The following ZKSCAN1 variants were observed in gnomAD, a reference collection of about 807,000 sequenced individuals.
ZKSCAN1 encodes the protein zinc finger with KRAB and SCAN domains 1.
In ZKSCAN1, 14 loss-of-function variants were observed where a neutral mutation model predicts 51.6. That is an observed-to-expected ratio of 0.27 (90% CI 0.18 to 0.42). The LOEUF is 0.42. Ranked by LOEUF, ZKSCAN1 falls within the 10% of genes least tolerant of loss-of-function variation. The probability of loss-of-function intolerance (pLI) is 1.00; values close to 1 mark genes in which losing one functional copy is unlikely to be tolerated. For missense variants in ZKSCAN1, 531 were observed against 710.0 expected, an observed-to-expected ratio of 0.75 and a Z score of 2.86; for synonymous variants, 263 against 261.5, an observed-to-expected ratio of 1.01 and a Z score of -0.06.
downstream of ZKSCAN1, among the ~76,000 whole-genome samples, chr7:100,042,495 A>C (rs1317461582): frequency 2.6e-5 from 4 of 151,890 alleles, no homozygotes; most frequent in African/African-American, 9.7e-5. Flanking sequence ...TTCAATTCTG[A>C]CACTACCTGT....
In ZKSCAN1 at chr7:100,037,531, C is replaced by T; in HGVS notation, c.*3334C>T. On this transcript the variant is annotated 3_prime_UTR_variant, in exon 6 of 6. Coordinates refer to ENST00000324306, the MANE Select transcript of ZKSCAN1 (RefSeq NM_003439.4). Reference sequence around the variant, plus strand: ...AGAATTTATTCCAGAAAGGAGCCTCCTGAATGTGATGAATACGGCAAAGCC... The same window carrying T: ...AGAATTTATTCCAGAAAGGAGCCTCTTGAATGTGATGAATACGGCAAAGCC... 1.0e-6 allele frequency: 1 copy of T among 985,468 alleles called. No homozygotes were observed. The highest frequency in any genetic ancestry group is 1.2e-6 in the Non-Finnish European group (1 of 829,940). 61.0% of individuals were successfully genotyped at this position (985,468 alleles called of 1,614,324 possible).
Position 100,027,228 on chromosome 7 carries a change from G to A in ZKSCAN1, c.581-2633G>A, listed in dbSNP as rs150980602. Among the ~76,000 whole-genome samples, 652 of 151,812 alleles carry A rather than the reference G, an allele frequency of 4.3e-3. 6 individuals are homozygous for A. The highest frequency in any genetic ancestry group is 0.015 in the African/African-American group (618 of 41,360). On this transcript the variant is annotated intron_variant, in intron 3 of 5. Transcript: ENST00000324306. ...ACAAGAACGCTTGAACCCGGGAGGT[G>A]GAGGTTGCAGCAAACCAAGATGGCT...
At chr7:100,015,926 C>A (rs1790340682) in intron 1 of ZKSCAN1, among the ~76,000 whole-genome samples, 200 bp downstream of exon 1, 1 of 152,306 alleles carries the variant, frequency 6.6e-6, no homozygotes, top group East Asian at 1.9e-4. Context: ...CGCCCCACCC[C>A]CAGGATCAGG....
At position 100,033,786 on chromosome 7, in the gene ZKSCAN1, C is replaced by T; in HGVS notation, c.1281C>T (p.His427=). 1 of 1,614,238 alleles carries T rather than the reference C, an allele frequency of 6.2e-7. No homozygotes were observed. The highest frequency in any genetic ancestry group is 8.5e-7 in the Non-Finnish European group (1 of 1,180,042). ...NSNLVLHQRI[H]TGEKPHECNE... ...ACCTTGTCCTGCATCAGAGGATCCA[C>T]ACAGGAGAGAAACCTCATGAATGTA... The change falls in exon 6 of 6, where the codon CAC becomes CAT. Residue 427 remains histidine (H), a synonymous_variant. Coordinates refer to ENST00000324306, the MANE Select transcript of ZKSCAN1 (RefSeq NM_003439.4). This position sits in a 1 kb window ranked among gnomAD's most constrained non-coding sequence, Gnocchi z 4.1.
intron 5 of ZKSCAN1, among the ~76,000 whole-genome samples, chr7:100,032,370 T>C (rs190952028): frequency 1.3e-5 from 2 of 152,298 alleles, no homozygotes; most frequent in Admixed American, 1.3e-4. Context: ...ATTTGTTGTC[T>C]TCCCTCTGCT....
intron 1 of ZKSCAN1, among the ~76,000 whole-genome samples, chr7:100,020,153 T>G (rs1256731725): frequency 6.6e-6 from 1 of 152,158 alleles, no homozygotes; most frequent in Non-Finnish European, 1.5e-5. Context: ...TCTTGAACAG[T>G]GATAAGAGGC....
chr7:100,026,344 T>C (rs1174908546), intron 3 of ZKSCAN1, among the ~76,000 whole-genome samples: 1 of 151,292 alleles, frequency 6.6e-6, no homozygotes, highest in African/African-American at 2.4e-5. Context: ...GGTGAGTGAA[T>C]GTGAAAGCCT....
chr7:100,038,437 C>T lies in ZKSCAN1; in HGVS notation c.*4240C>T, dbSNP rs879215636. ...AGATTGGTAAATTTCTGAGGAAAGA[C>T]AGGCTAATGGGGCACTGAAATGGAA... On this transcript the variant is annotated 3_prime_UTR_variant, in exon 6 of 6. Coordinates refer to ENST00000324306, the MANE Select transcript of ZKSCAN1 (RefSeq NM_003439.4). The T allele has an allele frequency of 6.1e-6, 6 of 985,326 alleles. No individual in the cohort carries two copies. The South Asian group carries it at 2.3e-4, about 39-fold the overall frequency. 61.0% of individuals were successfully genotyped at this position (985,326 alleles called of 1,614,324 possible). A position where few individuals can be genotyped will look rare whatever the true frequency, so the allele number is the denominator to read the frequency against.
In ZKSCAN1 at chr7:100,036,216, T is replaced by C. The variant is rs1403748686; in HGVS notation, c.*2019T>C. On this transcript the variant is annotated 3_prime_UTR_variant, in exon 6 of 6. Transcript: ENST00000324306. ...TAGCTTCTAAGCAGTTTCATCAGCA[T>C]TACTTGGGAAAACGTGTTGCAAGTC... 6 of 985,412 alleles carry C rather than the reference T, an allele frequency of 6.1e-6. No homozygotes were observed. The East Asian group carries it at 5.7e-4, about 93-fold the overall frequency. 61.0% of individuals were successfully genotyped at this position (985,412 alleles called of 1,614,324 possible).
rs565184739 is a variant in ZKSCAN1, at chr7:100,038,832, A to T, written c.*4635A>T. The T allele has an allele frequency of 4.8e-6, 3 of 624,616 alleles. No homozygotes were observed. In the East Asian group the frequency reaches 4.2e-4, roughly 87 times the overall value. The allele number at this position is 624,616 out of a possible 1,614,324, so 38.7% of individuals were successfully genotyped here. On this transcript the variant is annotated 3_prime_UTR_variant, in exon 6 of 6. Coordinates refer to ENST00000324306, the MANE Select transcript of ZKSCAN1 (RefSeq NM_003439.4). The stretch of plus-strand genomic sequence containing the variant: ...AACATGGCGAAACCCCGTCTCTACT[A>T]AAAATACAAAAAAATAGCTGGGCGT...
chr7:100,028,587 T>G (rs1444095988), intron 3 of ZKSCAN1, among the ~76,000 whole-genome samples: 1 of 152,130 alleles, frequency 6.6e-6, no homozygotes, highest in Non-Finnish European at 1.5e-5. Context: ...TCCTTGTATC[T>G]CACTAACATC....
At position 100,037,960 on chromosome 7, in the gene ZKSCAN1, C is replaced by T; in HGVS notation, c.*3763C>T. The T allele has an allele frequency of 2.1e-6, 2 of 933,868 alleles. No individual in the cohort carries two copies. The highest frequency in any genetic ancestry group is 2.6e-6 in the Non-Finnish European group (2 of 783,370). The allele number at this position is 933,868 out of a possible 1,614,324, so 57.8% of individuals were successfully genotyped here. On this transcript the variant is annotated 3_prime_UTR_variant, in exon 6 of 6. Coordinates refer to ENST00000324306, the MANE Select transcript of ZKSCAN1 (RefSeq NM_003439.4). ...GCTTGAACCTGCGAGGCGGAGGTTG[C>T]AGTGAGCTAAGATCATGCCACTGGC...
downstream of ZKSCAN1, among the ~76,000 whole-genome samples, chr7:100,044,065 C>T (rs1791662985): frequency 6.6e-6 from 1 of 152,098 alleles, no homozygotes; most frequent in Admixed American, 6.5e-5. Context: ...GCGTGAGCCA[C>T]CGCTCCCAGC....
chr7:100,031,136 C>A (rs1193702433), intron 5 of ZKSCAN1, among the ~76,000 whole-genome samples: 1 of 152,146 alleles, frequency 6.6e-6, no homozygotes, highest in African/African-American at 2.4e-5. Flanking sequence ...CAGCAAGCTT[C>A]TACCTGGAGA....
rs1340216274 is a variant in ZKSCAN1, at chr7:100,038,858, G to A, written c.*4661G>A. 6.7e-6 allele frequency: 3 copies of A among 448,878 alleles called. No homozygotes were observed. The highest frequency in any genetic ancestry group is 8.8e-6 in the Non-Finnish European group (3 of 339,896). The allele number at this position is 448,878 out of a possible 1,614,324, so 27.8% of individuals were successfully genotyped here. A position where few individuals can be genotyped will look rare whatever the true frequency, so the allele number is the denominator to read the frequency against. On this transcript the variant is annotated 3_prime_UTR_variant, in exon 6 of 6. Coordinates refer to ENST00000324306, the MANE Select transcript of ZKSCAN1 (RefSeq NM_003439.4). ...AAAATACAAAAAAATAGCTGGGCGT[G>A]GTGGCGGGCGCCTGTAGTCCCAGCT...
intron 5 of ZKSCAN1, among the ~76,000 whole-genome samples, chr7:100,032,430 T>A (rs1215827965): frequency 6.6e-6 from 1 of 152,202 alleles, no homozygotes; most frequent in African/African-American, 2.4e-5. Flanking sequence ...CTCCCTCTGT[T>A]GTCATTTCCC....
chr7:100,029,205 G>GGAGA (rs1467127455), intron 3 of ZKSCAN1, among the ~76,000 whole-genome samples: 16 of 150,418 alleles, frequency 1.1e-4, no homozygotes, highest in African/African-American at 3.9e-4. Context: ...CCAGAGCTAA[G>GGAGA]GAGACCTCCT....
chr7:100,038,041 G>C lies in ZKSCAN1; in HGVS notation c.*3844G>C. The C allele has an allele frequency of 1.0e-6, 1 of 985,052 alleles. No individual in the cohort carries two copies. The highest frequency in any genetic ancestry group is 1.2e-6 in the Non-Finnish European group (1 of 829,858). 61.0% of individuals were successfully genotyped at this position (985,052 alleles called of 1,614,324 possible). On this transcript the variant is annotated 3_prime_UTR_variant, in exon 6 of 6. Transcript: ENST00000324306. Reference sequence around the variant, plus strand: ...TGTATCAAAAAAAAAAGTTGCGGGGGGGTGCTCAATCTTAACTGCAGAGGA... The same window carrying C: ...TGTATCAAAAAAAAAAGTTGCGGGGCGGTGCTCAATCTTAACTGCAGAGGA...
At position 100,039,336 on chromosome 7, in the gene ZKSCAN1, G is replaced by C; in HGVS notation, c.*5139G>C. ...AAAAGAAAAAAAAAAAAGAAAGAAA[G>C]AAAGAAAATTGGGGATAGGAGAACA... is the stretch of plus-strand genomic sequence containing the variant. On this transcript the variant is annotated 3_prime_UTR_variant, in exon 6 of 6. Coordinates refer to ENST00000324306, the MANE Select transcript of ZKSCAN1 (RefSeq NM_003439.4). 1 of 984,960 alleles carries C rather than the reference G, an allele frequency of 1.0e-6. No individual in the cohort carries two copies. Among genetic ancestry groups the C allele is most frequent in the Non-Finnish European group, 1.2e-6 (1 of 829,976 alleles). The allele number at this position is 984,960 out of a possible 1,614,324, so 61.0% of individuals were successfully genotyped here.
Sources: allele counts gnomAD v4.1 joint callset (sites outside exome capture counted in the v4.1 genomes callset), GRCh38; gene constraint gnomAD v4.1.1; non-coding constraint Gnocchi (gnomAD v3.1); transcripts MANE v1.5; gene names NCBI Gene and HGNC (gene_info 2026-07-23, HGNC 2026-07-21).